The following LRRC4C variants were observed in gnomAD, a reference collection of about 807,000 sequenced individuals.
LRRC4C encodes leucine rich repeat containing 4C.
In LRRC4C, 5 loss-of-function variants were observed where a neutral mutation model predicts 33.6. The observed-to-expected ratio is 0.15, with a 90% CI of 0.08 to 0.31. The LOEUF (loss-of-function observed/expected upper bound fraction) is 0.31. LRRC4C is among the 10% of genes least tolerant of loss of function. The pLI, the probability that LRRC4C is intolerant of heterozygous loss-of-function variation, is 1.00. For synonymous variants in LRRC4C, 329 were observed against 302.0 expected (o/e 1.09, Z -0.93); for missense variants, 560 against 796.7 (o/e 0.70, Z 3.58).
intron 2 of LRRC4C, among the ~76,000 whole-genome samples, chr11:40,772,908 A>G (rs1423384611): frequency 6.6e-6 from 1 of 152,224 alleles, no homozygotes; most frequent in Non-Finnish European, 1.5e-5. Context: ...TCCCGTGTTT[A>G]CTGCAACACT....
rs890453725 is a variant in LRRC4C, at chr11:40,716,333, T to G, written c.-406-68055A>C. Among the ~76,000 whole-genome samples, 6 of 152,260 alleles carry G rather than the reference T, an allele frequency of 3.9e-5. No individual in the cohort carries two copies. The East Asian group carries it at 1.2e-3, about 29-fold the overall frequency. On this transcript the variant is annotated intron_variant, in intron 2 of 6. Transcript: ENST00000528697. ...CATGTTATAAATATTCTTTTATATC[T>G]ACTTGGTGTTAAAAAATAATAAATA... is the stretch of plus-strand genomic sequence containing the variant.
chr11:41,055,416 TG>T (rs1858547829), intron 1 of LRRC4C, among the ~76,000 whole-genome samples: 1 of 152,286 alleles, frequency 6.6e-6, no homozygotes, highest in African/African-American at 2.4e-5. Flanking sequence ...GTCTGCCAAT[TG>T]GGTAATCCAA....
chr11:41,034,604 GACGTAT>G (rs1856939167), intron 1 of LRRC4C, among the ~76,000 whole-genome samples: 1 of 43,426 alleles, frequency 2.3e-5, no homozygotes, highest in African/African-American at 6.2e-5. Context: ...AAAATATGGT[GACGTAT>G]ATATATATAT....
In LRRC4C at chr11:40,585,285, C is replaced by T. The variant is rs1023128070; in HGVS notation, c.-270+62857G>A. On this transcript the variant is annotated intron_variant, in intron 3 of 6. Transcript: ENST00000528697. ...ATAGCTTCCTCTGCCCACCCTACAT[C>T]ACTCTGGCATCTCCTAAAATGCTAG... is the stretch of plus-strand genomic sequence containing the variant. 2.6e-5 allele frequency among the ~76,000 whole-genome samples: 4 copies of T among 152,226 alleles called. No homozygotes were observed. In the East Asian group the frequency reaches 5.8e-4, roughly 22 times the overall value.
intron 1 of LRRC4C, among the ~76,000 whole-genome samples, chr11:41,064,221 A>C (rs1938028939): frequency 6.6e-6 from 1 of 152,218 alleles, no homozygotes; most frequent in Admixed American, 6.5e-5. Flanking sequence ...ATAGTTTAGT[A>C]TTGAATGACA....
At chr11:40,437,450 G>A (rs564775162) in intron 3 of LRRC4C, among the ~76,000 whole-genome samples, 1 of 151,258 alleles carries the variant, frequency 6.6e-6, no homozygotes, top group East Asian at 1.9e-4. Flanking sequence ...CTGGAGTGCA[G>A]TGGCACAATC....
chr11:41,229,412 G>A (rs1260811534), intron 1 of LRRC4C, among the ~76,000 whole-genome samples: 1 of 152,036 alleles, frequency 6.6e-6, no homozygotes, highest in Non-Finnish European at 1.5e-5. Context: ...TTCTTTTGTG[G>A]CAGCCCAAGC....
At chr11:40,873,053 T>A (rs1954725022) in intron 2 of LRRC4C, among the ~76,000 whole-genome samples, 2 of 152,074 alleles carry the variant, frequency 1.3e-5, no homozygotes, top group Admixed American at 1.3e-4. Flanking sequence ...TAGATAGTAT[T>A]GAGAATAAAA....
chr11:40,972,747 G>T (rs961446867), intron 1 of LRRC4C, among the ~76,000 whole-genome samples: 3 of 152,096 alleles, frequency 2.0e-5, no homozygotes, highest in Non-Finnish European at 2.9e-5. Flanking sequence ...AACATGGGGG[G>T]ACTGCCCTCA....
At chr11:40,806,783 G>C (rs1231584541) in intron 2 of LRRC4C, among the ~76,000 whole-genome samples, 2 of 152,160 alleles carry the variant, frequency 1.3e-5, no homozygotes, top group East Asian at 1.9e-4. Context: ...TCTACTATTA[G>C]AATCTATCAG....
In LRRC4C at chr11:40,115,695, T is replaced by G. The variant is rs1855378612; in HGVS notation, c.598A>C (p.Arg200=). The G allele has an allele frequency of 6.2e-7, 1 of 1,614,124 alleles. No individual in the cohort carries two copies. The highest frequency in any genetic ancestry group is 8.5e-7 in the Non-Finnish European group (1 of 1,180,010). Residue 200 remains arginine, a synonymous_variant, in exon 7 of 7, where the codon AGG becomes CGG. Coordinates refer to ENST00000528697, the MANE Select transcript of LRRC4C (RefSeq NM_001258419.2). This position sits in a 1 kb window ranked among gnomAD's most constrained non-coding sequence, Gnocchi z 6.7. The part of the protein sequence containing the change: ...EGAFEGLSNL[R]YLNLAMCNLR... ...TTGCACATGGCAAGGTTCAAATACCTCAAGTTGGACAGACCTTCAAAGGCA... is the reference window on the plus strand; with the variant it reads ...TTGCACATGGCAAGGTTCAAATACCGCAAGTTGGACAGACCTTCAAAGGCA...
intron 4 of LRRC4C, among the ~76,000 whole-genome samples, chr11:40,287,965 C>A (rs1372602849): frequency 6.6e-6 from 1 of 152,174 alleles, no homozygotes; most frequent in African/African-American, 2.4e-5. Context: ...AGCTTCCCTC[C>A]AACAGAGTCC....
At chr11:40,250,874 A>G (rs563260563) in intron 4 of LRRC4C, among the ~76,000 whole-genome samples, 4 of 152,352 alleles carry the variant, frequency 2.6e-5, no homozygotes, top group African/African-American at 9.6e-5. Context: ...TGTGATCTTC[A>G]TATGAACTTG....
At chr11:41,202,788 ATT>A (rs34535654) in intron 1 of LRRC4C, among the ~76,000 whole-genome samples, 169 of 142,912 alleles carry the variant, frequency 1.2e-3, no homozygotes, top group Middle Eastern at 3.7e-3. Flanking sequence ...TTGAAAACCG[ATT>A]TTTTTTTTTT....
At chr11:41,316,254 C>G (rs1296984794) in intron 1 of LRRC4C, among the ~76,000 whole-genome samples, 2 of 76,048 alleles carry the variant, frequency 2.6e-5, no homozygotes, top group Non-Finnish European at 5.1e-5. Context: ...GTAAAAATCT[C>G]TGGATGGCAA....
intron 2 of LRRC4C, among the ~76,000 whole-genome samples, chr11:40,891,514 A>T (rs771790205): frequency 6.6e-6 from 1 of 152,178 alleles, no homozygotes; most frequent in Non-Finnish European, 1.5e-5. Flanking sequence ...CTAACAAGAG[A>T]TTAATAACAA....
chr11:40,966,328 G>C (rs547327531), intron 1 of LRRC4C, among the ~76,000 whole-genome samples: 50 of 152,046 alleles, frequency 3.3e-4, no homozygotes, highest in African/African-American at 1.2e-3. Context: ...AGTGAGTTTA[G>C]TGGAAGAGAA....
At chr11:41,142,071 A>G (rs1943530155) in intron 1 of LRRC4C, among the ~76,000 whole-genome samples, 1 of 152,144 alleles carries the variant, frequency 6.6e-6, no homozygotes, top group Admixed American at 6.5e-5. Context: ...TAATGAGCTA[A>G]TTTTTTATTA....
chr11:40,570,191 A>G (rs1591137162), intron 3 of LRRC4C, among the ~76,000 whole-genome samples: 1 of 152,114 alleles, frequency 6.6e-6, no homozygotes, highest in African/African-American at 2.4e-5. Context: ...TGAGTAGTGT[A>G]ATTATATATG....
Sources: gnomAD v4.1 joint callset for allele counts (sites outside exome capture counted in the v4.1 genomes callset) on GRCh38, gnomAD v4.1.1 for gene constraint, Gnocchi (gnomAD v3.1) non-coding constraint, MANE v1.5 for transcripts, NCBI Gene and HGNC (gene_info 2026-07-23, HGNC 2026-07-21) for gene names.